TTBK2: variants seen among roughly 807,000 people sequenced by gnomAD.
The protein encoded by TTBK2 is tau-tubulin kinase 2.
TTBK2 carries 28 observed loss-of-function variants against 110.8 expected under a neutral mutation model. The observed-to-expected ratio is 0.25, with a 90% CI of 0.19 to 0.35. TTBK2 has a LOEUF of 0.35. Among genes scored for constraint, TTBK2 ranks in the 10% least tolerant of loss-of-function variants. The pLI is 1.00. For missense variants in TTBK2, 1,369 were observed against 1,500.3 expected (o/e 0.91, Z 1.45); for synonymous variants, 532 against 527.3 (o/e 1.01, Z -0.12).
At chr15:42,912,282 AAG>A (rs2030805034) in intron 1 of TTBK2, among the ~76,000 whole-genome samples, 1 of 152,148 alleles carries the variant, frequency 6.6e-6, no homozygotes, top group Non-Finnish European at 1.5e-5. Flanking sequence ...TAAGAGGAAA[AAG>A]AGTCCATTTA....
intron 13 of TTBK2, among the ~76,000 whole-genome samples, chr15:42,762,442 G>C (rs917078405): frequency 1.1e-4 from 16 of 152,250 alleles, no homozygotes; most frequent in African/African-American, 3.9e-4. Flanking sequence ...TAGCGGCCGG[G>C]CACGGTGGCT....
rs970264596 is a variant in TTBK2, at chr15:42,785,254, G to A, written c.981-1619C>T. On this transcript the variant is annotated intron_variant, in intron 10 of 14. Coordinates refer to ENST00000267890, the MANE Select transcript of TTBK2 (RefSeq NM_173500.4). ...CCTGCCTCGGCCTCCCAAATAGCTA[G>A]GATTACAGGCATGCACCACCATGCC... Among the ~76,000 whole-genome samples the A allele has an allele frequency of 1.1e-4, 16 of 151,610 alleles. No homozygotes were observed. In the East Asian group the frequency reaches 2.1e-3, roughly 20 times the overall value.
intron 10 of TTBK2, among the ~76,000 whole-genome samples, chr15:42,787,213 A>G (rs1296615186): frequency 6.6e-6 from 1 of 152,158 alleles, no homozygotes; most frequent in Non-Finnish European, 1.5e-5. Flanking sequence ...TATAACAGCA[A>G]TGACAGTAGT....
chr15:42,809,828 T>C (rs1469511560), intron 9 of TTBK2, among the ~76,000 whole-genome samples: 1 of 152,254 alleles, frequency 6.6e-6, no homozygotes, highest in Non-Finnish European at 1.5e-5. Context: ...AATTACTATA[T>C]GCAAATACAT....
intron 1 of TTBK2, chr15:42,919,846 T>C (rs757039001): frequency 7.1e-6 from 7 of 985,138 alleles, no homozygotes; most frequent in Non-Finnish European, 8.4e-6. Context: ...CTTCTCCGAT[T>C]TGACAGAACA....
At chr15:42,771,080 A>G (rs1889650016) in intron 13 of TTBK2, among the ~76,000 whole-genome samples, 1 of 151,726 alleles carries the variant, frequency 6.6e-6, no homozygotes, top group Admixed American at 6.6e-5. Context: ...TTTTTAAGCA[A>G]TTCTCTGCCT....
At chr15:42,890,989 C>G (rs1464987374) in intron 1 of TTBK2, among the ~76,000 whole-genome samples, 1 of 152,068 alleles carries the variant, frequency 6.6e-6, no homozygotes, top group Non-Finnish European at 1.5e-5. Context: ...CTGCCTCAGC[C>G]TTGTGAGTAG....
chr15:42,798,280 G>A (rs1044869410), intron 9 of TTBK2: 2 of 456,130 alleles, frequency 4.4e-6, no homozygotes, highest in African/African-American at 2.0e-5. Flanking sequence ...ACTGGAAAGG[G>A]AGAAGGGAAA....
intron 3 of TTBK2, among the ~76,000 whole-genome samples, chr15:42,847,386 T>G (rs888027984): frequency 1.3e-5 from 2 of 152,228 alleles, no homozygotes; most frequent in African/African-American, 4.8e-5. Flanking sequence ...GTCTTTTCAT[T>G]CTCTTCATAA....
Position 42,884,751 on chromosome 15 carries a change from CTA to C in TTBK2, c.-67-6069_-67-6068del, listed in dbSNP as rs1895177086. Among the ~76,000 whole-genome samples the C allele has an allele frequency of 2.0e-5, 3 of 152,174 alleles. No homozygotes were observed. The East Asian group carries it at 5.8e-4, about 29-fold the overall frequency. ...AACACAAAAGCACAAGTTTTGGAAACTAATAAGTGTCAGGCCTCTGAGCCCAA... is the reference window on the plus strand; with the variant it reads ...AACACAAAAGCACAAGTTTTGGAAACATAAGTGTCAGGCCTCTGAGCCCAA... On this transcript the variant is annotated intron_variant, in intron 1 of 14. Transcript: ENST00000267890.
chr15:42,745,772 T>C lies in TTBK2; in HGVS notation c.*23A>G. ...GGTTTAGGAGGAAGATCTCACACCT[T>C]TCAAAGAGATGCAGCCTGGCTCCTA... On this transcript the variant is annotated 3_prime_UTR_variant, in exon 15 of 15. Transcript: ENST00000267890. The C allele has an allele frequency of 6.2e-7, 1 of 1,613,374 alleles. No individual in the cohort carries two copies.
intron 13 of TTBK2, among the ~76,000 whole-genome samples, chr15:42,767,990 A>C (rs1423777675): frequency 3.3e-5 from 5 of 152,262 alleles, no homozygotes; most frequent in Non-Finnish European, 7.3e-5. Context: ...TTCATCACAT[A>C]AACAGAACCA....
At chr15:42,826,446 G>A (rs1892540375) in intron 6 of TTBK2, among the ~76,000 whole-genome samples, 1 of 152,110 alleles carries the variant, frequency 6.6e-6, no homozygotes, top group Non-Finnish European at 1.5e-5. Flanking sequence ...GCTAAATTAA[G>A]TTTGGCCTAA....
intron 13 of TTBK2, among the ~76,000 whole-genome samples, chr15:42,754,777 G>A (rs1247231474): frequency 6.8e-6 from 1 of 147,688 alleles, no homozygotes; most frequent in Admixed American, 6.7e-5. Context: ...GGGAGGCCGA[G>A]GTGGGCAGAC....
chr15:42,817,065 A>C lies in TTBK2; in HGVS notation c.570T>G (p.Val190=). ...PRAVAGFRGT[V]RYASINAHRN... is the part of the protein sequence containing the mutation. ...GATGTGCGTTGATTGATGCATAACG[A>C]ACTGTCCCTCGAAAACCTGCCACAG... The change falls in exon 7 of 15, where the codon GTT becomes GTG. Residue 190 remains valine, a synonymous_variant. Coordinates refer to ENST00000267890, the MANE Select transcript of TTBK2 (RefSeq NM_173500.4). 1 of 1,608,562 alleles carries C rather than the reference A, an allele frequency of 6.2e-7. No individual in the cohort carries two copies. The highest frequency in any genetic ancestry group is 1.1e-5 in the South Asian group (1 of 90,976).
chr15:42,804,540 T>C (rs1013290714), intron 9 of TTBK2, among the ~76,000 whole-genome samples: 1 of 151,980 alleles, frequency 6.6e-6, no homozygotes, highest in African/African-American at 2.4e-5. Flanking sequence ...ATCCAAACAG[T>C]GTGTGGCAAA....
intron 11 of TTBK2, among the ~76,000 whole-genome samples, chr15:42,778,290 C>CAAAAAAAAAA (rs55838282): frequency 7.8e-6 from 1 of 127,590 alleles, no homozygotes; most frequent in African/African-American, 3.1e-5. Flanking sequence ...AGCAAGTAAG[C>CAAAAAAAAAA]AAAAAAAAAA....
Position 42,871,633 on chromosome 15 carries a change from C to G in TTBK2, c.217+978G>C, listed in dbSNP as rs1463685915. ...CTCTACACCACTGAGTTGAGAACAA[C>G]AACTCAAGAGAAATGTGGAGAAAAT... is the stretch of plus-strand genomic sequence containing the variant. On this transcript the variant is annotated intron_variant, in intron 3 of 14. Coordinates refer to ENST00000267890, the MANE Select transcript of TTBK2 (RefSeq NM_173500.4). 3.1e-6 allele frequency: 3 copies of G among 979,152 alleles called. No individual in the cohort carries two copies. The African/African-American group carries it at 5.3e-5, about 17-fold the overall frequency. The allele number at this position is 979,152 out of a possible 1,614,324, so 60.7% of individuals were successfully genotyped here. A position where few individuals can be genotyped will look rare whatever the true frequency, so the allele number is the denominator to read the frequency against.
intron 13 of TTBK2, among the ~76,000 whole-genome samples, chr15:42,756,514 A>G (rs1567004314): frequency 2.0e-5 from 3 of 152,106 alleles, no homozygotes. Context: ...TGAACCTGGG[A>G]GGCAGAGGTT....
Sources: gnomAD v4.1 joint callset for allele counts (sites outside exome capture counted in the v4.1 genomes callset) on GRCh38, gnomAD v4.1.1 for gene constraint, MANE v1.5 for transcripts, NCBI Gene and HGNC (gene_info 2026-07-23, HGNC 2026-07-21) for gene names.